The following JPH3 variants were observed in gnomAD, a reference collection of about 807,000 sequenced individuals.
The protein encoded by JPH3 is junctophilin-3.
A neutral mutation model predicts 59.6 loss-of-function variants in JPH3; 11 were observed. The ratio of observed to expected loss-of-function variants is 0.18; its 90% confidence interval spans 0.12 to 0.31. JPH3 has a LOEUF of 0.31. Among genes scored for constraint, JPH3 ranks in the 10% least tolerant of loss-of-function variants. The pLI is 1.00. For synonymous variants in JPH3, 673 were observed against 483.6 expected, an observed-to-expected ratio of 1.39 and a Z score of -5.14; for missense variants, 1,202 against 1,105.7, an observed-to-expected ratio of 1.09 and a Z score of -1.24.
chr16:87,629,593 G>A (rs1597246028), intron 1 of JPH3, among the ~76,000 whole-genome samples: 1 of 152,056 alleles, frequency 6.6e-6, no homozygotes, highest in East Asian at 1.9e-4. Flanking sequence ...CGTGTGAAGA[G>A]GCCACATCCC....
chr16:87,604,329 G>GCTGCTGCTGCTGCTGCTGCTGCTGC (rs1555532858), intron 1 of JPH3: 1 of 1,467,290 alleles, frequency 6.8e-7, no homozygotes, highest in African/African-American at 1.4e-5. Flanking sequence ...TGCTGCTGCT[G>GCTGCTGCTGCTGCTGCTGCTGCTGC]TAAGATGGTT....
chr16:87,686,328 G>A (rs1567614394), intron 3 of JPH3, among the ~76,000 whole-genome samples: 1 of 151,014 alleles, frequency 6.6e-6, no homozygotes, highest in East Asian at 2.0e-4. Context: ...GCTCAGTCCT[G>A]GAGTCAGAGA....
rs532612942 is a variant in JPH3, at chr16:87,608,524, G to A, written c.382+4996G>A. On this transcript the variant is annotated intron_variant, in intron 1 of 4. Transcript: ENST00000284262. ...CACCGCTGCACTGGGGTCCTGGCTC[G>A]AACTTGAGTAAGGTGCTGTCTTCCA... Among the ~76,000 whole-genome samples, 97 of 152,280 alleles carry A rather than the reference G, an allele frequency of 6.4e-4. 1 individual carries two copies. Among genetic ancestry groups the A allele is most frequent in the Admixed American group, 5.0e-3 (76 of 15,302 alleles).
At chr16:87,696,050 G>A in intron 4 of JPH3, 1 of 456,304 alleles carries the variant, frequency 2.2e-6, no homozygotes. Context: ...GTTTGTTGAG[G>A]AAGGTGTGGT....
intron 2 of JPH3, among the ~76,000 whole-genome samples, chr16:87,649,562 GA>G (rs1489888575): frequency 6.6e-6 from 1 of 152,210 alleles, no homozygotes; most frequent in Non-Finnish European, 1.5e-5. Flanking sequence ...TCCTAGAGAA[GA>G]AAGTCCTGCA....
At chr16:87,652,704 G>A (rs1004368046) in intron 2 of JPH3, among the ~76,000 whole-genome samples, 6 of 152,250 alleles carry the variant, frequency 3.9e-5, no homozygotes, top group Admixed American at 3.3e-4. Flanking sequence ...CCACCTAGAT[G>A]ATGGTGCCTA....
intron 1 of JPH3, among the ~76,000 whole-genome samples, chr16:87,637,063 C>T (rs1490038917): frequency 6.6e-6 from 1 of 152,214 alleles, no homozygotes; most frequent in Non-Finnish European, 1.5e-5. Flanking sequence ...GGGTCCCTGA[C>T]TGTGTTCTCA....
At chr16:87,659,902 T>C (rs1291432421) in intron 2 of JPH3, among the ~76,000 whole-genome samples, 1 of 152,128 alleles carries the variant, frequency 6.6e-6, no homozygotes, top group African/African-American at 2.4e-5. Flanking sequence ...TCCCCCAGCC[T>C]GGGGATTAGG....
chr16:87,652,100 A>C (rs967467523), intron 2 of JPH3, among the ~76,000 whole-genome samples: 1 of 151,880 alleles, frequency 6.6e-6, no homozygotes. Flanking sequence ...TCAGCCTCCC[A>C]AGTAGCTGGG....
At chr16:87,631,009 G>A (rs1385686266) in intron 1 of JPH3, among the ~76,000 whole-genome samples, 1 of 152,184 alleles carries the variant, frequency 6.6e-6, no homozygotes, top group Non-Finnish European at 1.5e-5. Flanking sequence ...GTTAGTAATT[G>A]TCTCGCTTTT....
At chr16:87,683,321 T>C (rs2033340436) in intron 2 of JPH3, among the ~76,000 whole-genome samples, 2 of 152,088 alleles carry the variant, frequency 1.3e-5, no homozygotes. Flanking sequence ...TTTTTTTTTT[T>C]TGAGATGGAG....
At chr16:87,628,832 T>G (rs1196741701) in intron 1 of JPH3, among the ~76,000 whole-genome samples, 5 of 151,856 alleles carry the variant, frequency 3.3e-5, no homozygotes, top group African/African-American at 9.7e-5. Context: ...CCCCAGCAGG[T>G]GTGGCTGGGA....
chr16:87,628,168 A>C (rs1162225662), intron 1 of JPH3, among the ~76,000 whole-genome samples: 1 of 152,240 alleles, frequency 6.6e-6, no homozygotes, highest in Non-Finnish European at 1.5e-5. Flanking sequence ...GAGGCTAAAA[A>C]TCAGAAGCCA....
At chr16:87,626,612 C>T (rs1301227459) in intron 1 of JPH3, among the ~76,000 whole-genome samples, 1 of 152,264 alleles carries the variant, frequency 6.6e-6, no homozygotes, top group African/African-American at 2.4e-5. Context: ...AGTGGGCGGC[C>T]TCCCTGCCAC....
intron 2 of JPH3, chr16:87,683,931 T>A: frequency 1.7e-6 from 1 of 573,274 alleles, no homozygotes; most frequent in Non-Finnish European, 3.1e-6. Context: ...GCATGTCCTG[T>A]GCACTGGGCC....
At chr16:87,650,869 G>C (rs1486671983) in intron 2 of JPH3, among the ~76,000 whole-genome samples, 1 of 152,230 alleles carries the variant, frequency 6.6e-6, no homozygotes, top group East Asian at 1.9e-4. Flanking sequence ...TGAGGGAGCA[G>C]GTTACCCAGA....
At chr16:87,693,442 G>C (rs1315275390) in intron 4 of JPH3, 1 of 152,284 alleles carries the variant, frequency 6.6e-6, no homozygotes. Context: ...GAGAGGCCGA[G>C]GCAGGTGGAT....
intron 2 of JPH3, among the ~76,000 whole-genome samples, chr16:87,682,354 G>T (rs1471595883): frequency 6.6e-6 from 1 of 152,154 alleles, no homozygotes; most frequent in African/African-American, 2.4e-5. Context: ...AGAGATGGGG[G>T]GTCAGGCTGC....
chr16:87,633,730 C>T (rs1203798327), intron 1 of JPH3, among the ~76,000 whole-genome samples: 2 of 151,912 alleles, frequency 1.3e-5, no homozygotes, highest in East Asian at 1.9e-4. Flanking sequence ...ACCTGGGAGG[C>T]GGAGGTTGCA....
Sources: gnomAD v4.1 joint callset for allele counts (sites outside exome capture counted in the v4.1 genomes callset) on GRCh38, gnomAD v4.1.1 for gene constraint, MANE v1.5 for transcripts, NCBI Gene and HGNC (gene_info 2026-07-23, HGNC 2026-07-21) for gene names.